Variants in ZNF141 observed in about 807,000 individuals in gnomAD.
ZNF141 encodes zinc finger protein 141.
In ZNF141, 7 loss-of-function variants were observed where a neutral mutation model predicts 11.3. The ratio of observed to expected loss-of-function variants is 0.62; its 90% CI spans 0.35 to 1.16. ZNF141 has a LOEUF of 1.16. Among genes scored for constraint, ZNF141 ranks in the 50% most tolerant of loss-of-function variants. The pLI, the probability that ZNF141 is intolerant of heterozygous loss-of-function variation, is 0.02. For missense variants in ZNF141, 535 were observed against 554.0 expected, an observed-to-expected ratio of 0.97 and a Z score of 0.34; for synonymous variants, 183 against 190.7, an observed-to-expected ratio of 0.96 and a Z score of 0.33.
At chr4:338,815 G>A (rs575987675) in intron 1 of ZNF141, among the ~76,000 whole-genome samples, 1 of 152,206 alleles carries the variant, frequency 6.6e-6, no homozygotes, top group Non-Finnish European at 1.5e-5. Flanking sequence ...GCCCGTTGGG[G>A]TCGGAGCATT....
At position 384,828 on chromosome 4, in the gene ZNF141, A is replaced by T. The variant is rs552528024; in HGVS notation, c.*10966A>T. 53 of 152,258 alleles carry T rather than the reference A, an allele frequency of 3.5e-4. No individual in the cohort carries two copies. The highest frequency in any genetic ancestry group is 1.3e-3 in the African/African-American group (53 of 41,520). 9.4% of individuals were successfully genotyped at this position (152,258 alleles called of 1,614,324 possible). ...GCTTTCATGTCCCCTTTCTGCTGAG[A>T]GCTTTCCTTTTGCTTAATAAATCCT... is the stretch of plus-strand genomic sequence containing the variant. On this transcript the variant is annotated 3_prime_UTR_variant, in exon 4 of 4. Transcript: ENST00000240499.
intron 3 of ZNF141, among the ~76,000 whole-genome samples, chr4:371,382 C>T (rs1169029516): frequency 4.6e-5 from 7 of 150,704 alleles, no homozygotes; most frequent in African/African-American, 1.2e-4. Flanking sequence ...CAGGCATGGG[C>T]CACCATGCCC....
At chr4:364,251 G>A (rs1711620873) in intron 3 of ZNF141, among the ~76,000 whole-genome samples, 1 of 152,176 alleles carries the variant, frequency 6.6e-6, no homozygotes, top group African/African-American at 2.4e-5. Flanking sequence ...GATTGAAATA[G>A]TTTCAGAAGG....
At chr4:361,645 G>C (rs1553852198) in intron 3 of ZNF141, among the ~76,000 whole-genome samples, 1 of 152,014 alleles carries the variant, frequency 6.6e-6, no homozygotes, top group African/African-American at 2.4e-5. Context: ...TTCTGTCTTT[G>C]TGATAGTTTG....
rs762956711 is a variant in ZNF141 at position 382,534 on chromosome 4, A to C, written c.*8672A>C. The C allele has an allele frequency of 6.6e-6, 1 of 152,254 alleles. No homozygotes were observed. Among genetic ancestry groups the C allele is most frequent in the Non-Finnish European group, 1.5e-5 (1 of 68,064 alleles). 9.4% of individuals were successfully genotyped at this position (152,254 alleles called of 1,614,324 possible). On this transcript the variant is annotated 3_prime_UTR_variant, in exon 4 of 4. Transcript: ENST00000240499. ...GATTAGTGCATTATAGGTGTTTTCAAATTTCTCCTATGATAAATTAAAAAT... is the reference window on the plus strand; with the variant it reads ...GATTAGTGCATTATAGGTGTTTTCACATTTCTCCTATGATAAATTAAAAAT...
chr4:366,804 A>C (rs1553852977), intron 3 of ZNF141, among the ~76,000 whole-genome samples: 3 of 152,148 alleles, frequency 2.0e-5, no homozygotes, highest in Non-Finnish European at 4.4e-5. Flanking sequence ...CCTCCTGAGT[A>C]GCTGGGAGTA....
At position 373,562 on chromosome 4, in the gene ZNF141, C is replaced by G. The variant is rs1553854051; in HGVS notation, c.1125C>G (p.Ala375=). The change falls in exon 4 of 4, where the codon GCC becomes GCG. Residue 375 remains alanine (A), a synonymous_variant. Coordinates refer to ENST00000240499, the MANE Select transcript of ZNF141 (RefSeq NM_003441.4). ...RPYKCDECGK[A]FGRSRVLNEH... is the part of the protein sequence containing the mutation. ...ACAAATGTGATGAATGTGGCAAAGC[C>G]TTTGGACGGTCCAGGGTCCTGAATG... The G allele has an allele frequency of 1.2e-6, 2 of 1,613,712 alleles. No homozygotes were observed. The highest frequency in any genetic ancestry group is 2.2e-5 in the South Asian group (2 of 91,042).
chr4:365,572 T>C (rs993995857), intron 3 of ZNF141, among the ~76,000 whole-genome samples: 1 of 152,258 alleles, frequency 6.6e-6, no homozygotes, highest in African/African-American at 2.4e-5. Context: ...TTCACAAATA[T>C]TTTCTTTCAT....
At chr4:359,921 A>G (rs1722027806) in intron 3 of ZNF141, among the ~76,000 whole-genome samples, 1 of 152,220 alleles carries the variant, frequency 6.6e-6, no homozygotes. Context: ...GATCACAGAC[A>G]GAAGCAACAT....
chr4:343,926 A>C lies in ZNF141; in HGVS notation c.130+18A>C. On this transcript the variant is annotated intron_variant, in intron 2 of 3. Coordinates refer to ENST00000240499, the MANE Select transcript of ZNF141 (RefSeq NM_003441.4). ...CTCCCTGGGTGAGGATAACTTCAAT[A>C]CATAATTCCTAATTTTTCTCAGAGC... 1.3e-6 allele frequency: 2 copies of C among 1,580,314 alleles called. No homozygotes were observed. The highest frequency in any genetic ancestry group is 1.7e-6 in the Non-Finnish European group (2 of 1,171,596).
rs1712243492 is a variant in ZNF141 at position 374,154 on chromosome 4, A to C, written c.*292A>C. On this transcript the variant is annotated 3_prime_UTR_variant, in exon 4 of 4. Transcript: ENST00000240499. ...ATGTAAAGAGTGTAACAAAACCTTT[A>C]AACAGCCCTCACCGGTGAATAAACA... 2.4e-6 allele frequency: 1 copy of C among 419,744 alleles called. No homozygotes were observed. The highest frequency in any genetic ancestry group is 4.3e-6 in the Non-Finnish European group (1 of 230,004). The allele number at this position is 419,744 out of a possible 1,614,324, so 26.0% of individuals were successfully genotyped here.
chr4:362,303 A>G (rs797032838), intron 3 of ZNF141, among the ~76,000 whole-genome samples: 23 of 152,282 alleles, frequency 1.5e-4, no homozygotes, highest in African/African-American at 4.8e-4. Flanking sequence ...GGTAGATTGT[A>G]AAAATTTTCT....
chr4:357,963 C>T (rs1383875409), intron 3 of ZNF141, among the ~76,000 whole-genome samples: 1 of 151,872 alleles, frequency 6.6e-6, no homozygotes, highest in Non-Finnish European at 1.5e-5. Context: ...TCGTGATTCG[C>T]CCGCCTCAGC....
At chr4:349,413 CT>C (rs1310035951) in intron 3 of ZNF141, among the ~76,000 whole-genome samples, 9 of 152,138 alleles carry the variant, frequency 5.9e-5, no homozygotes, top group Non-Finnish European at 1.0e-4. Flanking sequence ...CAAACAGTAA[CT>C]TTTTTATTTC....
chr4:366,934 C>T (rs1423255713), intron 3 of ZNF141, among the ~76,000 whole-genome samples: 4 of 152,176 alleles, frequency 2.6e-5, no homozygotes, highest in Non-Finnish European at 5.9e-5. Context: ...TCCCAAAATG[C>T]TAGGATTACA....
chr4:338,023 G>A (rs1553847837), intron 1 of ZNF141, 37 bp downstream of exon 1: 2 of 1,612,330 alleles, frequency 1.2e-6, no homozygotes, highest in African/African-American at 1.3e-5. Flanking sequence ...AGGCTGAGGA[G>A]GTCTCATCGG....
chr4:343,882 A>G lies in ZNF141; in HGVS notation c.104A>G (p.Glu35Gly). Reference protein sequence around the residue: ...QQNLYRDVMLENYRNLVSLGV... With the variant: ...QQNLYRDVMLGNYRNLVSLGV... Reference sequence around the variant, plus strand: ...AATTTGTATAGAGATGTGATGTTGGAGAACTACAGGAACCTGGTCTCCCTG... The same window carrying G: ...AATTTGTATAGAGATGTGATGTTGGGGAACTACAGGAACCTGGTCTCCCTG... Residue 35 changes from glutamate (E) to glycine (G), a missense_variant, in exon 2 of 4, where the codon GAG becomes GGG. By Grantham distance (98) the Glu-to-Gly change is moderately conservative. Coordinates refer to ENST00000240499, the MANE Select transcript of ZNF141 (RefSeq NM_003441.4). 1.2e-6 allele frequency: 2 copies of G among 1,608,942 alleles called. No homozygotes were observed. The highest frequency in any genetic ancestry group is 8.5e-7 in the Non-Finnish European group (1 of 1,178,952).
Position 374,137 on chromosome 4 carries a change from A to G in ZNF141, c.*275A>G, listed in dbSNP as rs1581629352. 6.3e-6 allele frequency: 3 copies of G among 473,936 alleles called. No individual in the cohort carries two copies. In the Admixed American group the frequency reaches 1.1e-4, roughly 17 times the overall value. 29.4% of individuals were successfully genotyped at this position (473,936 alleles called of 1,614,324 possible). On this transcript the variant is annotated 3_prime_UTR_variant, in exon 4 of 4. Coordinates refer to ENST00000240499, the MANE Select transcript of ZNF141 (RefSeq NM_003441.4). ...GGAGATAAACCCTGCAAATGTAAAG[A>G]GTGTAACAAAACCTTTAAACAGCCC... is the stretch of plus-strand genomic sequence containing the variant.
intron 1 of ZNF141, among the ~76,000 whole-genome samples, chr4:340,337 A>G (rs782287969): frequency 1.8e-4 from 27 of 152,318 alleles, no homozygotes; most frequent in Non-Finnish European, 2.4e-4. Flanking sequence ...GGGATCTACA[A>G]TCCCTTCTAT....
Sources: allele counts gnomAD v4.1 joint callset (sites outside exome capture counted in the v4.1 genomes callset), GRCh38; gene constraint gnomAD v4.1.1; transcripts MANE v1.5; gene names NCBI Gene and HGNC (gene_info 2026-07-23, HGNC 2026-07-21).